CDH12: variants seen among roughly 807,000 people sequenced by gnomAD.
The protein encoded by CDH12 is cadherin 12.
A neutral mutation model predicts 74.1 loss-of-function variants in CDH12; 41 were observed. That is an observed-to-expected ratio of 0.55 (90% confidence interval 0.43 to 0.72). CDH12 has a LOEUF of 0.72. CDH12 is among the 30% of genes least tolerant of loss of function. The probability of loss-of-function intolerance (pLI) is 0.00; values close to 1 mark genes in which losing one functional copy is unlikely to be tolerated. For missense variants in CDH12, 945 were observed against 977.2 expected (o/e 0.97, Z 0.44); for synonymous variants, 399 against 355.0 (o/e 1.12, Z -1.39).
In CDH12 at chr5:21,994,922, CCAGCAA is replaced by C. The variant is rs1481374932; in HGVS notation, c.232-19543_232-19538del. Among the ~76,000 whole-genome samples, 6 of 152,218 alleles carry C rather than the reference CCAGCAA, an allele frequency of 3.9e-5. No homozygotes were observed. The East Asian group carries it at 1.2e-3, about 29-fold the overall frequency. On this transcript the variant is annotated intron_variant, in intron 5 of 14. Coordinates refer to ENST00000382254, the MANE Select transcript of CDH12 (RefSeq NM_004061.5). ...AGGTAATAAAAGCTGGCCACCTGAG[CCAGCAA>C]CGGCAACGGAGTGGGGTCCTCTTCT...
chr5:22,732,219 G>A (rs1278514355), intron 1 of CDH12, among the ~76,000 whole-genome samples: 1 of 151,626 alleles, frequency 6.6e-6, no homozygotes, highest in African/African-American at 2.4e-5. Flanking sequence ...GTTTTCTCCT[G>A]GCATCTTCAC....
intron 12 of CDH12, among the ~76,000 whole-genome samples, chr5:21,764,665 AAAAG>A (rs1744915622): frequency 6.0e-5 from 9 of 150,678 alleles, no homozygotes; most frequent in South Asian, 2.1e-4. Context: ...AAAAAAAAAA[AAAAG>A]AAAAGAAAAG....
intron 5 of CDH12, among the ~76,000 whole-genome samples, chr5:21,991,653 G>T (rs1348660315): frequency 2.0e-5 from 3 of 150,850 alleles, no homozygotes; most frequent in Non-Finnish European, 3.0e-5. Context: ...AGGGTGGTTT[G>T]AAGGTGACCT....
intron 2 of CDH12, among the ~76,000 whole-genome samples, chr5:22,422,533 CT>C (rs1373849112): frequency 6.6e-6 from 1 of 151,884 alleles, no homozygotes; most frequent in Non-Finnish European, 1.5e-5. Flanking sequence ...CTAAGGTTTC[CT>C]TTTTTTGTTG....
chr5:22,051,823 T>C (rs1194742646), intron 5 of CDH12, among the ~76,000 whole-genome samples: 7 of 152,108 alleles, frequency 4.6e-5, no homozygotes, highest in South Asian at 4.2e-4. Flanking sequence ...GAAAAAGAGC[T>C]GGACAGCCCT....
At chr5:21,794,169 C>A (rs1381905854) in intron 10 of CDH12, among the ~76,000 whole-genome samples, 1 of 151,414 alleles carries the variant, frequency 6.6e-6, no homozygotes, top group Non-Finnish European at 1.5e-5. Context: ...GGCTCATACA[C>A]CTGGGTGTTC....
chr5:22,771,485 A>C (rs1363956292), intron 1 of CDH12, among the ~76,000 whole-genome samples: 2 of 152,006 alleles, frequency 1.3e-5, no homozygotes, highest in Non-Finnish European at 2.9e-5. Context: ...CAGATGAGAA[A>C]ACTGATAAAG....
intron 2 of CDH12, among the ~76,000 whole-genome samples, chr5:22,438,053 A>G (rs745795818): frequency 3.3e-5 from 5 of 151,976 alleles, no homozygotes; most frequent in African/African-American, 1.2e-4. Context: ...TTACGTTTCT[A>G]ACAATAATCA....
At chr5:21,981,996 C>G (rs1429543555) in intron 5 of CDH12, among the ~76,000 whole-genome samples, 2 of 152,084 alleles carry the variant, frequency 1.3e-5, no homozygotes, top group African/African-American at 4.8e-5. Flanking sequence ...AAAAATAAGC[C>G]TGATAGTTAA....
chr5:22,250,557 T>C (rs1319057974), intron 3 of CDH12, among the ~76,000 whole-genome samples: 1 of 152,182 alleles, frequency 6.6e-6, no homozygotes, highest in African/African-American at 2.4e-5. Context: ...CCAATCTATA[T>C]TCTTGGAAGT....
chr5:22,202,540 A>C (rs1750985238), intron 4 of CDH12, among the ~76,000 whole-genome samples: 1 of 152,158 alleles, frequency 6.6e-6, no homozygotes, highest in African/African-American at 2.4e-5. Flanking sequence ...TAAGAATGTC[A>C]GTGGTGTTAA....
At chr5:22,668,883 A>C (rs372954621) in intron 1 of CDH12, among the ~76,000 whole-genome samples, 1 of 142,922 alleles carries the variant, frequency 7.0e-6, no homozygotes, top group Non-Finnish European at 1.5e-5. Flanking sequence ...TCTTTTTTCA[A>C]CTCCTCTCTC....
intron 2 of CDH12, among the ~76,000 whole-genome samples, chr5:22,424,002 C>CAGAAA (rs1743776247): frequency 3.2e-5 from 1 of 31,222 alleles, no homozygotes; most frequent in East Asian, 1.1e-3. Flanking sequence ...GACTCTGTCT[C>CAGAAA]AAAAAAAAAA....
intron 1 of CDH12, among the ~76,000 whole-genome samples, chr5:22,598,824 A>G (rs1736719184): frequency 6.6e-6 from 1 of 152,162 alleles, no homozygotes; most frequent in South Asian, 2.1e-4. Flanking sequence ...ATGATCAGAG[A>G]TGGTATCATT....
chr5:22,552,422 C>T (rs1368154372), intron 1 of CDH12, among the ~76,000 whole-genome samples: 1 of 151,514 alleles, frequency 6.6e-6, no homozygotes, highest in Admixed American at 6.6e-5. Flanking sequence ...TTAACACCCC[C>T]ATTTTCTTTT....
Position 21,968,975 on chromosome 5 carries a change from A to G in CDH12, c.526+6116T>C, listed in dbSNP as rs576362320. 8.3e-5 allele frequency among the ~76,000 whole-genome samples: 12 copies of G among 144,740 alleles called. No individual in the cohort carries two copies. The South Asian group carries it at 3.0e-3, about 36-fold the overall frequency. The allele number at this position is 144,740 out of a possible 152,430, so 95.0% of individuals were successfully genotyped here. A position where few individuals can be genotyped will look rare whatever the true frequency, so the allele number is the denominator to read the frequency against. On this transcript the variant is annotated intron_variant, in intron 6 of 14. Transcript: ENST00000382254. ...GGAGAACAATACACACTGAGGCTTG[A>G]TGGGGGGTGGAGGGTAGGGAGGGGG... is the stretch of plus-strand genomic sequence containing the variant.
At chr5:22,792,673 T>G (rs1400485146) in intron 1 of CDH12, among the ~76,000 whole-genome samples, 4 of 152,104 alleles carry the variant, frequency 2.6e-5, no homozygotes, top group Non-Finnish European at 5.9e-5. Context: ...GCTTTGTAAA[T>G]TTGGTGAATT....
chr5:22,307,349 C>T (rs2150424676), intron 3 of CDH12, among the ~76,000 whole-genome samples: 1 of 152,286 alleles, frequency 6.6e-6, no homozygotes, highest in South Asian at 2.1e-4. Context: ...TACATGCCGT[C>T]TTTAAAATTG....
chr5:22,034,456 T>C (rs1046854488), intron 5 of CDH12, among the ~76,000 whole-genome samples: 1 of 152,192 alleles, frequency 6.6e-6, no homozygotes, highest in Non-Finnish European at 1.5e-5. Context: ...AAAAAACATA[T>C]GATGCACGGT....
Sources: allele counts gnomAD v4.1 joint callset (sites outside exome capture counted in the v4.1 genomes callset), GRCh38; gene constraint gnomAD v4.1.1; transcripts MANE v1.5; gene names NCBI Gene and HGNC (gene_info 2026-07-23, HGNC 2026-07-21).